MUC4: variants seen among roughly 807,000 people sequenced by gnomAD.
MUC4 encodes the protein mucin-4.
In MUC4, 202 loss-of-function variants were observed where a neutral mutation model predicts 257.9. The ratio of observed to expected loss-of-function variants is 0.78; its 90% CI spans 0.70 to 0.88. The LOEUF (loss-of-function observed/expected upper bound fraction) is 0.88. Ranked by LOEUF, MUC4 falls within the 40% of genes least tolerant of loss-of-function variation. The pLI, the probability that MUC4 is intolerant of heterozygous loss-of-function variation, is 0.00. For synonymous variants in MUC4, 2,351 were observed against 2,757.1 expected, an observed-to-expected ratio of 0.85 and a Z score of 4.62; for missense variants, 5,976 against 6,513.7, an observed-to-expected ratio of 0.92 and a Z score of 2.84.
chr3:195,781,075 G>T lies in MUC4; in HGVS notation c.10505C>A (p.Thr3502Asn). 5 of 1,495,430 alleles carry T rather than the reference G, an allele frequency of 3.3e-6. No individual in the cohort carries two copies. The highest frequency in any genetic ancestry group is 4.5e-6 in the Non-Finnish European group (5 of 1,112,502). 92.6% of individuals were successfully genotyped at this position (1,495,430 alleles called of 1,614,324 possible). The change falls in exon 2 of 25, where the codon ACC becomes AAC. Residue 3502 changes from threonine (T) to asparagine (N), a missense_variant. By Grantham distance (65) the Thr-to-Asn change is moderately conservative. Around this residue, in one of 44 missense-constraint regions of MUC4, gnomAD observed 297 missense variants for 240.9 expected, o/e 1.23. Transcript: ENST00000463781. ...TIPSSASTGD[T>N]STLPVTGASS... Reference sequence around the variant, plus strand: ...AGCGCCGGTGACAGGAAGAGTGCTGGTGTCACCTGTGGATGCTGAGGAAGG... The same window carrying T: ...AGCGCCGGTGACAGGAAGAGTGCTGTTGTCACCTGTGGATGCTGAGGAAGG...
rs1390657069 is a variant in MUC4 at position 195,780,878 on chromosome 3, G to A, written c.10702C>T (p.Pro3568Ser). ...GAGGAAAGGCTGGTGACAGGAAGAG[G>A]GGTGGCCTGACCTGTGGATGCCGAG... ...ASSASTGQAT[P>S]LPVTSLSSVS... is the part of the protein sequence containing the mutation. Residue 3568 changes from proline to serine, a missense_variant, in exon 2 of 25, where the codon CCT (proline) becomes TCT (serine). Physicochemically the swap from Pro to Ser is moderately conservative, Grantham distance 74. Around this residue, in one of 44 missense-constraint regions of MUC4, gnomAD observed 59 missense variants for 149.8 expected, o/e 0.39. Coordinates refer to ENST00000463781, the MANE Select transcript of MUC4 (RefSeq NM_018406.7). 5 of 1,491,662 alleles carry A rather than the reference G, an allele frequency of 3.4e-6. No individual in the cohort carries two copies. Among genetic ancestry groups the A allele is most frequent in the Admixed American group, 2.1e-5 (1 of 48,752 alleles). The allele number at this position is 1,491,662 out of a possible 1,614,324, so 92.4% of individuals were successfully genotyped here. A position where few individuals can be genotyped will look rare whatever the true frequency, so the allele number is the denominator to read the frequency against.
intron 24 of MUC4, among the ~76,000 whole-genome samples, chr3:195,748,210 C>T (rs1226161596): frequency 6.6e-6 from 1 of 152,276 alleles, no homozygotes; most frequent in African/African-American, 2.4e-5. Context: ...AGACACAGGA[C>T]TGCAGGTTCT....
chr3:195,754,902 T>G, intron 18 of MUC4, among the ~76,000 whole-genome samples: 1 of 46,834 alleles, frequency 2.1e-5, no homozygotes, highest in South Asian at 4.6e-4. Context: ...TCCATGTATG[T>G]ATGTGTGTGT....
intron 12 of MUC4, 139 bp from the exon 13 acceptor site, chr3:195,763,084 TGCCAGCCGCCGTCTACCGTGTGC>T (rs1325719249): frequency 4.1e-6 from 3 of 725,092 alleles, no homozygotes; most frequent in Non-Finnish European, 6.8e-6. Context: ...CCTGAGGTGA[TGCCAGCCGCCGTCTACCGTGTGC>T]TCGGCAGGGC....
chr3:195,809,381 G>A lies in MUC4; in HGVS notation c.82+2355C>T, dbSNP rs566335123. Among the ~76,000 whole-genome samples, 35 of 152,312 alleles carry A rather than the reference G, an allele frequency of 2.3e-4. No individual in the cohort carries two copies. The East Asian group carries it at 6.6e-3, about 29-fold the overall frequency. On this transcript the variant is annotated intron_variant, in intron 1 of 24. Transcript: ENST00000463781. ...CCCTTCAGGGAGCCAAAAGGAACGG[G>A]GCTGGCTGGCTGCCAGTCCTCCAGC...
At position 195,796,487 on chromosome 3, in the gene MUC4, C is replaced by T. The variant is rs374000764; in HGVS notation, c.83-4990G>A. Among the ~76,000 whole-genome samples the T allele has an allele frequency of 2.6e-4, 40 of 152,036 alleles. No individual in the cohort carries two copies. In the East Asian group the frequency reaches 6.2e-3, roughly 24 times the overall value. The stretch of plus-strand genomic sequence containing the variant: ...TAACACGTTGGGAGGGTGAGGCAGG[C>T]GGATCATGAGGTCAGGAGATTGAGA... On this transcript the variant is annotated intron_variant, in intron 1 of 24. Transcript: ENST00000463781.
chr3:195,788,870 T>C lies in MUC4; in HGVS notation c.2710A>G (p.Ile904Val), dbSNP rs780943175. The change falls in exon 2 of 25, where the codon ATT becomes GTT. Residue 904 changes from isoleucine (I) to valine (V), a missense_variant. This residue lies in a region of MUC4 where 1,583 missense variants were observed against 1,257.4 expected (regional missense o/e 1.26). Coordinates refer to ENST00000463781, the MANE Select transcript of MUC4 (RefSeq NM_018406.7). The part of the protein sequence containing the change: ...PSASPQETAA[I>V]SRMAQTQRTR... Reference sequence around the variant, plus strand: ...CTCTGAGTCTGGGCCATCCGGGAAATGGCGGCTGTCTCCTGAGGAGAGGCA... The same window carrying C: ...CTCTGAGTCTGGGCCATCCGGGAAACGGCGGCTGTCTCCTGAGGAGAGGCA... The C allele has an allele frequency of 3.2e-5, 51 of 1,613,760 alleles. No individual in the cohort carries two copies. The highest frequency in any genetic ancestry group is 4.2e-5 in the Non-Finnish European group (50 of 1,179,816).
intron 3 of MUC4, among the ~76,000 whole-genome samples, chr3:195,774,684 G>A (rs1467329158): frequency 6.6e-6 from 1 of 151,804 alleles, no homozygotes; most frequent in African/African-American, 2.4e-5. Context: ...GGAGGATCAC[G>A]AGGTCAGGAG....
At chr3:195,801,296 G>A (rs747648392) in intron 1 of MUC4, among the ~76,000 whole-genome samples, 8 of 152,088 alleles carry the variant, frequency 5.3e-5, no homozygotes, top group Admixed American at 1.3e-4. Flanking sequence ...GGAGATTTGC[G>A]CCTAAAGAGT....
Position 195,763,455 on chromosome 3 carries a change from G to A in MUC4, c.14231C>T (p.Ser4744Phe). Residue 4744 changes from serine to phenylalanine, a missense_variant, in exon 12 of 25, where the codon TCC becomes TTC. Ser to Phe is a radical substitution (Grantham distance 155, BLOSUM62 -2). Coordinates refer to ENST00000463781, the MANE Select transcript of MUC4 (RefSeq NM_018406.7). The part of the protein sequence containing the change: ...NFIAFAAQYR[S>F]SSLGPVTVQW... Reference sequence around the variant, plus strand: ...CACCGTGACGGGGCCCAGGCTGCTGGAGCGGTACTGAGCCGCAAAGGCGAT... The same window carrying A: ...CACCGTGACGGGGCCCAGGCTGCTGAAGCGGTACTGAGCCGCAAAGGCGAT... 12 of 1,447,120 alleles carry A rather than the reference G, an allele frequency of 8.3e-6. No individual in the cohort carries two copies. The highest frequency in any genetic ancestry group is 1.1e-5 in the Non-Finnish European group (12 of 1,093,340). 89.6% of individuals were successfully genotyped at this position (1,447,120 alleles called of 1,614,324 possible). A position where few individuals can be genotyped will look rare whatever the true frequency, so the allele number is the denominator to read the frequency against.
intron 1 of MUC4, among the ~76,000 whole-genome samples, chr3:195,802,044 C>T (rs1353624639): frequency 6.6e-6 from 1 of 152,210 alleles, no homozygotes; most frequent in Non-Finnish European, 1.5e-5. Context: ...CCTTACAAAT[C>T]TGTACTTCTC....
chr3:195,772,870 G>C (rs1389146223), intron 4 of MUC4, among the ~76,000 whole-genome samples: 1 of 117,166 alleles, frequency 8.5e-6, no homozygotes, highest in Non-Finnish European at 1.7e-5. Context: ...CATCGCTCAG[G>C]GGTGCTCAGG....
At chr3:195,769,201 G>A (rs758104854) in intron 6 of MUC4, 49 bp from the exon 7 acceptor site, 3 of 1,606,124 alleles carry the variant, frequency 1.9e-6, no homozygotes, top group Non-Finnish European at 2.6e-6. Context: ...GAGATCCGGG[G>A]TCTCCTCTCT....
chr3:195,760,658 C>T (rs1307437439), intron 16 of MUC4, among the ~76,000 whole-genome samples: 3 of 129,302 alleles, frequency 2.3e-5, no homozygotes, highest in African/African-American at 3.9e-5. Flanking sequence ...GCTGGGAAGG[C>T]GTCCAGCACT....
rs1269465011 is a variant in MUC4, at chr3:195,760,885, G to A, written c.14847C>T (p.Leu4949=). 6.2e-7 allele frequency: 1 copy of A among 1,613,896 alleles called. No individual in the cohort carries two copies. The highest frequency in any genetic ancestry group is 8.5e-7 in the Non-Finnish European group (1 of 1,179,960). ...SKNYEQANAT[L]NQYPPSINGG... is the part of the protein sequence containing the mutation. Reference sequence around the variant, plus strand: ...CTCCCCAGGCCTCGGGCCACTTACTGAGGGTGGCGTTCGCCTGCTCGTAGT... The same window carrying A: ...CTCCCCAGGCCTCGGGCCACTTACTAAGGGTGGCGTTCGCCTGCTCGTAGT... Residue 4949 remains leucine, a splice_region_variant and synonymous_variant, in exon 16 of 25, where the codon CTC becomes CTT. Coordinates refer to ENST00000463781, the MANE Select transcript of MUC4 (RefSeq NM_018406.7).
rs776306350 is a variant in MUC4 at position 195,762,132 on chromosome 3, C to T, written c.14467G>A (p.Ala4823Thr). Reference sequence around the variant, plus strand: ...TTCTGGTACTCGGGCGGGAGGCTGGCGGAGGCGTGGAGGATGTTGGAGAGC... The same window carrying T: ...TTCTGGTACTCGGGCGGGAGGCTGGTGGAGGCGTGGAGGATGTTGGAGAGC... The part of the protein sequence containing the change: ...IALSNILHAS[A>T]SLPPEYQNRT... Residue 4823 changes from alanine (A) to threonine (T), a missense_variant, in exon 14 of 25, where the codon GCC (alanine) becomes ACC (threonine). By Grantham distance (58) the Ala-to-Thr change is moderately conservative. This residue lies in a region of MUC4 where 996 missense variants were observed against 1,137.3 expected (regional missense o/e 0.88). Transcript: ENST00000463781. 8.1e-6 allele frequency: 13 copies of T among 1,607,624 alleles called. No homozygotes were observed. Among genetic ancestry groups the T allele is most frequent in the African/African-American group, 6.7e-5 (5 of 74,816 alleles).
chr3:195,754,001 C>G lies in MUC4; in HGVS notation c.15328+212G>C, dbSNP rs912888852. On this transcript the variant is annotated intron_variant, in intron 19 of 24. Transcript: ENST00000463781. ...CAACCTCTTCTCCTTCAGCCCCACA[C>G]CATCCACCACCCCCTTTCCAGGCCT... The G allele has an allele frequency of 6.6e-6, 4 of 609,760 alleles. No homozygotes were observed. The Admixed American group carries it at 1.1e-4, about 16-fold the overall frequency. The allele number at this position is 609,760 out of a possible 1,614,324, so 37.8% of individuals were successfully genotyped here. A position where few individuals can be genotyped will look rare whatever the true frequency, so the allele number is the denominator to read the frequency against.
Position 195,771,753 on chromosome 3 carries a change from G to A in MUC4, c.13141C>T (p.Pro4381Ser). 1 of 1,613,940 alleles carries A rather than the reference G, an allele frequency of 6.2e-7. No homozygotes were observed. Among genetic ancestry groups the A allele is most frequent in the Non-Finnish European group, 8.5e-7 (1 of 1,179,856 alleles). The stretch of plus-strand genomic sequence containing the variant: ...CGGCCTGTGAAGCCTGTTGGGAGTG[G>A]GTTGGGGTAGGAGAAAATCTGGTAG... ...SDYQIFSYPN[P>S]LPTGFTGRDP... Residue 4381 changes from proline (P) to serine (S), a missense_variant, in exon 5 of 25, where the codon CCA becomes TCA. Around this residue, in one of 44 missense-constraint regions of MUC4, gnomAD observed 996 missense variants for 1,137.3 expected, o/e 0.88. Coordinates refer to ENST00000463781, the MANE Select transcript of MUC4 (RefSeq NM_018406.7).
In MUC4 at chr3:195,747,972, A is replaced by AGCCCG. The variant is rs1715425338; in HGVS notation, c.16035-597_16035-593dup. Among the ~76,000 whole-genome samples, 4 of 150,414 alleles carry AGCCCG rather than the reference A, an allele frequency of 2.7e-5. No homozygotes were observed. In the South Asian group the frequency reaches 6.3e-4, roughly 24 times the overall value. The stretch of plus-strand genomic sequence containing the variant: ...GCATGCGCAGTCACACCCCCGCCCC[A>AGCCCG]GCCCGGCCCCGCCCCGCCCCGCCCA... On this transcript the variant is annotated intron_variant, in intron 24 of 24. Coordinates refer to ENST00000463781, the MANE Select transcript of MUC4 (RefSeq NM_018406.7).
Sources: gnomAD v4.1 joint callset for allele counts (sites outside exome capture counted in the v4.1 genomes callset) on GRCh38, gnomAD v4.1.1 for gene constraint, gnomAD v4.1.1 regional missense constraint, MANE v1.5 for transcripts, NCBI Gene and HGNC (gene_info 2026-07-23, HGNC 2026-07-21) for gene names.